The following FRMD4A variants were observed in gnomAD, a reference collection of about 807,000 sequenced individuals.
The protein encoded by FRMD4A is FERM domain containing 4A, also known as FERM domain-containing protein 4A.
FRMD4A carries 29 observed loss-of-function variants against 129.1 expected under a neutral mutation model. The observed-to-expected ratio is 0.22, with a 90% CI of 0.17 to 0.31. The LOEUF (loss-of-function observed/expected upper bound fraction) is 0.31, where lower values mean the gene tolerates loss of function less well. FRMD4A is among the 10% of genes least tolerant of loss of function. The pLI is 1.00. For synonymous variants in FRMD4A, 634 were observed against 571.6 expected, an observed-to-expected ratio of 1.11 and a Z score of -1.56; for missense variants, 1,272 against 1,375.8, an observed-to-expected ratio of 0.92 and a Z score of 1.19.
At chr10:14,064,907 T>C (rs370642410) in intron 2 of FRMD4A, among the ~76,000 whole-genome samples, 18 of 152,116 alleles carry the variant, frequency 1.2e-4, no homozygotes, top group East Asian at 7.7e-4. Flanking sequence ...AGCGAAGCAA[T>C]GGATCATTCA....
At chr10:14,006,169 T>C (rs1288181103) in intron 2 of FRMD4A, among the ~76,000 whole-genome samples, 1 of 152,180 alleles carries the variant, frequency 6.6e-6, no homozygotes, top group Non-Finnish European at 1.5e-5. Flanking sequence ...CAGGACATCA[T>C]ACATTTCAAT....
At chr10:14,086,589 C>T (rs1017225969) in intron 2 of FRMD4A, among the ~76,000 whole-genome samples, 13 of 152,192 alleles carry the variant, frequency 8.5e-5, no homozygotes, top group African/African-American at 3.1e-4. Flanking sequence ...GGTAACGGCT[C>T]TTTCCAACAA....
At chr10:13,661,611 G>A (rs1265638641) in intron 19 of FRMD4A, among the ~76,000 whole-genome samples, 4 of 152,196 alleles carry the variant, frequency 2.6e-5, no homozygotes, top group African/African-American at 9.7e-5. Flanking sequence ...ATGCGTCGGA[G>A]TGAAAAATCC....
At chr10:13,735,958 G>T (rs1053920545) in intron 12 of FRMD4A, among the ~76,000 whole-genome samples, 8 of 152,136 alleles carry the variant, frequency 5.3e-5, no homozygotes, top group African/African-American at 1.9e-4. Context: ...GTTTGAGACA[G>T]GCCTGGCCCA....
chr10:13,907,104 A>G (rs147001126), intron 2 of FRMD4A, among the ~76,000 whole-genome samples: 8 of 152,294 alleles, frequency 5.3e-5, no homozygotes, highest in African/African-American at 1.9e-4. Context: ...CCGAAAAATG[A>G]TGGAGAACCC....
At chr10:14,156,658 G>A (rs893432108) in intron 2 of FRMD4A, among the ~76,000 whole-genome samples, 2 of 152,084 alleles carry the variant, frequency 1.3e-5, no homozygotes, top group East Asian at 1.9e-4. Context: ...TATACCCTTC[G>A]TATGTTTCTG....
intron 2 of FRMD4A, among the ~76,000 whole-genome samples, chr10:13,887,715 CATT>C (rs1325792715): frequency 1.3e-5 from 2 of 152,174 alleles, no homozygotes; most frequent in Non-Finnish European, 1.5e-5. Context: ...CACACACACT[CATT>C]AGCCCCCCAA....
At chr10:13,793,158 A>G (rs888496818) in intron 5 of FRMD4A, among the ~76,000 whole-genome samples, 15 of 149,284 alleles carry the variant, frequency 1.0e-4, no homozygotes, top group Non-Finnish European at 2.2e-4. Flanking sequence ...TATCTTTTCC[A>G]TGACCCTCTG....
chr10:14,135,837 G>A lies in FRMD4A; in HGVS notation c.45+194221C>T, dbSNP rs148645340. Among the ~76,000 whole-genome samples, 700 of 152,180 alleles carry A rather than the reference G, an allele frequency of 4.6e-3. 7 individuals carry two copies. Among genetic ancestry groups the A allele is most frequent in the African/African-American group, 0.016 (681 of 41,504 alleles). Reference sequence around the variant, plus strand: ...ATCTACTTCCCGCAAATAGAACATTGGACTGAATACAATGGTCATGGAAAA... The same window carrying A: ...ATCTACTTCCCGCAAATAGAACATTAGACTGAATACAATGGTCATGGAAAA... On this transcript the variant is annotated intron_variant, in intron 2 of 24. Transcript: ENST00000357447.
Position 14,157,646 on chromosome 10 carries a change from C to T in FRMD4A, c.45+172412G>A, listed in dbSNP as rs962807197. ...TCACTTCTCTGGCTGAGTTAAGGGCCACCTGGTCTTAGCATCTTGCACTCA... is the reference window on the plus strand; with the variant it reads ...TCACTTCTCTGGCTGAGTTAAGGGCTACCTGGTCTTAGCATCTTGCACTCA... On this transcript the variant is annotated intron_variant, in intron 2 of 24. Coordinates refer to ENST00000357447, the MANE Select transcript of FRMD4A (RefSeq NM_018027.5). Among the ~76,000 whole-genome samples the T allele has an allele frequency of 3.3e-5, 5 of 152,210 alleles. No individual in the cohort carries two copies. The South Asian group carries it at 6.2e-4, about 19-fold the overall frequency.
At chr10:13,737,534 C>T (rs528464531) in intron 12 of FRMD4A, among the ~76,000 whole-genome samples, 1 of 152,106 alleles carries the variant, frequency 6.6e-6, no homozygotes, top group African/African-American at 2.4e-5. Flanking sequence ...CAGCCCTGCC[C>T]GAAATTAAGG....
intron 6 of FRMD4A, among the ~76,000 whole-genome samples, chr10:13,773,764 A>G (rs546093158): frequency 2.6e-5 from 4 of 152,234 alleles, no homozygotes; most frequent in Non-Finnish European, 5.9e-5. Context: ...CTGCAGCCAG[A>G]AAGTGCGGGA....
At chr10:14,048,996 G>C (rs150048793) in intron 2 of FRMD4A, among the ~76,000 whole-genome samples, 1 of 152,188 alleles carries the variant, frequency 6.6e-6, no homozygotes. Flanking sequence ...AGCACAAAAA[G>C]CAGGATGCTT....
intron 2 of FRMD4A, among the ~76,000 whole-genome samples, chr10:14,324,773 G>A (rs780628607): frequency 5.6e-4 from 86 of 152,252 alleles, no homozygotes; most frequent in South Asian, 8.3e-4. Flanking sequence ...TGATTCTCCT[G>A]CCTCAGCCTC....
chr10:13,981,653 C>G (rs1468380850), intron 2 of FRMD4A, among the ~76,000 whole-genome samples: 2 of 148,672 alleles, frequency 1.3e-5, no homozygotes, highest in Non-Finnish European at 3.0e-5. Flanking sequence ...GCAGGAGAAT[C>G]GTTTCAACTC....
chr10:13,919,833 G>C (rs1410055196), intron 2 of FRMD4A, among the ~76,000 whole-genome samples: 3 of 152,156 alleles, frequency 2.0e-5, no homozygotes, highest in Non-Finnish European at 2.9e-5. Context: ...AGCCATTCGG[G>C]AGGCTGAGGC....
At chr10:13,763,677 CTTTATA>C (rs1377652953) in intron 6 of FRMD4A, among the ~76,000 whole-genome samples, 5 of 152,124 alleles carry the variant, frequency 3.3e-5, no homozygotes, top group African/African-American at 9.7e-5. Context: ...CTCTCTCTCT[CTTTATA>C]TTTATATTTT....
rs1298783765 is a variant in FRMD4A, at chr10:13,657,172, G to A, written c.2417C>T (p.Ala806Val). Reference sequence around the variant, plus strand: ...CCCCGCGCCCCCCGCACCCCCGCGCGCCGCCAGGTTGGGCATGCTGCCCGA... The same window carrying A: ...CCCCGCGCCCCCCGCACCCCCGCGCACCGCCAGGTTGGGCATGCTGCCCGA... The part of the protein sequence containing the change: ...ASSGSMPNLA[A>V]RGGAGGAGGA... The change falls in exon 22 of 25, where the codon GCG becomes GTG. Residue 806 changes from alanine (A) to valine (V), a missense_variant. Ala to Val is a moderately conservative substitution (Grantham distance 64). Coordinates refer to ENST00000357447, the MANE Select transcript of FRMD4A (RefSeq NM_018027.5). 4.9e-6 allele frequency: 7 copies of A among 1,435,204 alleles called. No individual in the cohort carries two copies. Among genetic ancestry groups the A allele is most frequent in the Admixed American group, 2.3e-5 (1 of 44,398 alleles). 88.9% of individuals were successfully genotyped at this position (1,435,204 alleles called of 1,614,324 possible).
At chr10:14,218,881 G>A (rs1200271247) in intron 2 of FRMD4A, among the ~76,000 whole-genome samples, 3 of 135,844 alleles carry the variant, frequency 2.2e-5, no homozygotes, top group African/African-American at 8.3e-5. Flanking sequence ...CTTGAACCCA[G>A]GAGCCAGAGG....
Sources: allele counts gnomAD v4.1 joint callset (sites outside exome capture counted in the v4.1 genomes callset), GRCh38; gene constraint gnomAD v4.1.1; transcripts MANE v1.5; gene names NCBI Gene and HGNC (gene_info 2026-07-23, HGNC 2026-07-21).